SNX9: variants seen among roughly 807,000 people sequenced by gnomAD.
The protein encoded by SNX9 is sorting nexin 9.
A neutral mutation model predicts 89.4 loss-of-function variants in SNX9; 44 were observed. The ratio of observed to expected loss-of-function variants is 0.49; its 90% confidence interval spans 0.39 to 0.63. SNX9 has a LOEUF of 0.63. Among genes scored for constraint, SNX9 ranks in the 30% least tolerant of loss-of-function variants. The probability of loss-of-function intolerance (pLI) is 0.00; values close to 1 mark genes in which losing one functional copy is unlikely to be tolerated. For missense variants in SNX9, 578 were observed against 736.1 expected (o/e 0.79, Z 2.49); for synonymous variants, 236 against 247.8 (o/e 0.95, Z 0.45).
chr6:157,859,394 C>T (rs1408501515), intron 1 of SNX9, among the ~76,000 whole-genome samples: 4 of 152,172 alleles, frequency 2.6e-5, no homozygotes, highest in Non-Finnish European at 5.9e-5. Context: ...ACCATGTATT[C>T]ATTCCATGTC....
In SNX9 at chr6:157,896,892, A is replaced by G; in HGVS notation, c.366A>G (p.Ser122=). 10 of 1,613,664 alleles carry G rather than the reference A, an allele frequency of 6.2e-6. No individual in the cohort carries two copies. Among genetic ancestry groups the G allele is most frequent in the Non-Finnish European group, 8.5e-6 (10 of 1,179,842 alleles). Residue 122 remains serine (S), a synonymous_variant, in exon 5 of 18, where the codon TCA becomes TCG. Transcript: ENST00000392185. ...SASKSGNWES[S]EGWGAQPEGA... Reference sequence around the variant, plus strand: ...CCAAATCTGGGAACTGGGAAAGCTCAGAAGGCTGGGGGGCCCAGCCAGAGG... The same window carrying G: ...CCAAATCTGGGAACTGGGAAAGCTCGGAAGGCTGGGGGGCCCAGCCAGAGG...
At position 157,867,557 on chromosome 6, in the gene SNX9, T is replaced by C. The variant is rs747860327; in HGVS notation, c.23T>C (p.Met8Thr). 2 of 1,612,294 alleles carry C rather than the reference T, an allele frequency of 1.2e-6. No homozygotes were observed. The highest frequency in any genetic ancestry group is 1.7e-6 in the Non-Finnish European group (2 of 1,178,744). ...CTCCACTCCTGATAGGCTCGGGTTA[T>C]GTATGATTTTGCTGCTGAACCTGGA... is the stretch of plus-strand genomic sequence containing the variant. MATKARV[M>T]YDFAAEPGNN... The change falls in exon 2 of 18, where the codon ATG becomes ACG. Residue 8 changes from methionine (M) to threonine (T), a missense_variant. This residue lies in a region of SNX9 where 230 missense variants were observed against 244.7 expected (regional missense o/e 0.94). Transcript: ENST00000392185.
intron 3 of SNX9, among the ~76,000 whole-genome samples, chr6:157,873,636 A>G (rs938081017): frequency 1.4e-5 from 2 of 147,862 alleles, no homozygotes; most frequent in Non-Finnish European, 3.0e-5. Flanking sequence ...AATTATAAAT[A>G]TAGATATATA....
At chr6:157,826,902 TATATA>T (rs1781367182) in intron 1 of SNX9, among the ~76,000 whole-genome samples, 1 of 81,194 alleles carries the variant, frequency 1.2e-5, no homozygotes, top group African/African-American at 6.2e-5. Context: ...TATTATAGTT[TATATA>T]ATATATAAAA....
chr6:157,939,255 T>C (rs1783987713), intron 16 of SNX9, among the ~76,000 whole-genome samples: 2 of 152,168 alleles, frequency 1.3e-5, no homozygotes, highest in East Asian at 3.9e-4. Context: ...GGGCAGAGAA[T>C]GGAGAGCGTG....
At chr6:157,920,935 C>G (rs186427737) in intron 9 of SNX9, among the ~76,000 whole-genome samples, 1 of 152,144 alleles carries the variant, frequency 6.6e-6, no homozygotes, top group Non-Finnish European at 1.5e-5. Context: ...TGGAAAAATT[C>G]CTTTGGTATT....
intron 1 of SNX9, among the ~76,000 whole-genome samples, chr6:157,862,306 G>A (rs908152491): frequency 6.6e-6 from 1 of 152,152 alleles, no homozygotes; most frequent in Non-Finnish European, 1.5e-5. Context: ...ATCTTAATAA[G>A]TCAAGATAAG....
At position 157,875,137 on chromosome 6, in the gene SNX9, A is replaced by T; in HGVS notation, c.261A>T (p.Thr87=). Residue 87 remains threonine (T), a synonymous_variant, in exon 4 of 18, where the codon ACA becomes ACT. Transcript: ENST00000392185. ...QAFLDSLSAS[T]AQASSSAASN... Reference sequence around the variant, plus strand: ...TCCTTGATTCTCTCTCAGCCAGCACAGCTCAGGCCAGTTCGTCGGCTGCCA... The same window carrying T: ...TCCTTGATTCTCTCTCAGCCAGCACTGCTCAGGCCAGTTCGTCGGCTGCCA... 6.2e-7 allele frequency: 1 copy of T among 1,612,252 alleles called. No individual in the cohort carries two copies. Among genetic ancestry groups the T allele is most frequent in the South Asian group, 1.1e-5 (1 of 90,504 alleles).
Position 157,875,180 on chromosome 6 carries a change from C to G in SNX9, c.300+4C>G. ...GGCTGCCAGCAACAATCACCAGGTA[C>G]GTCTCACTTCCTCCTTCTGGATGTG... is the stretch of plus-strand genomic sequence containing the variant. On this transcript the variant is annotated splice_donor_region_variant and intron_variant, in intron 4 of 17. Coordinates refer to ENST00000392185, the MANE Select transcript of SNX9 (RefSeq NM_016224.5). The G allele has an allele frequency of 6.2e-7, 1 of 1,605,362 alleles. No homozygotes were observed. The highest frequency in any genetic ancestry group is 8.5e-7 in the Non-Finnish European group (1 of 1,175,374).
chr6:157,930,507 A>G (rs1487036768), intron 12 of SNX9, among the ~76,000 whole-genome samples: 1 of 152,204 alleles, frequency 6.6e-6, no homozygotes, highest in East Asian at 1.9e-4. Context: ...GCACAGCAGG[A>G]GGCAAGTGAA....
intron 5 of SNX9, among the ~76,000 whole-genome samples, chr6:157,900,230 A>G (rs1783067494): frequency 6.6e-6 from 1 of 151,958 alleles, no homozygotes; most frequent in Non-Finnish European, 1.5e-5. Context: ...TGTTGAGTGC[A>G]TTTTCATATA....
chr6:157,936,904 T>C (rs1783937156), intron 14 of SNX9, among the ~76,000 whole-genome samples: 1 of 152,228 alleles, frequency 6.6e-6, no homozygotes, highest in Non-Finnish European at 1.5e-5. Flanking sequence ...TCAGATGACT[T>C]TAAACTATGT....
intron 1 of SNX9, among the ~76,000 whole-genome samples, chr6:157,845,804 T>C (rs1306012360): frequency 6.6e-6 from 1 of 152,260 alleles, no homozygotes; most frequent in Non-Finnish European, 1.5e-5. Flanking sequence ...GGTTGGAGTA[T>C]GGTTCTTGTG....
At chr6:157,824,851 C>T (rs1372355659) in intron 1 of SNX9, among the ~76,000 whole-genome samples, 1 of 152,148 alleles carries the variant, frequency 6.6e-6, no homozygotes, top group Admixed American at 6.5e-5. Flanking sequence ...AAAACTTAGG[C>T]CAAGGATTTC....
chr6:157,827,909 A>T (rs1307079763), intron 1 of SNX9, among the ~76,000 whole-genome samples: 2 of 150,632 alleles, frequency 1.3e-5, no homozygotes, highest in Non-Finnish European at 3.0e-5. Context: ...AAAGTTATAC[A>T]CATGTGTTAC....
At chr6:157,869,193 C>T (rs1203882655) in intron 2 of SNX9, among the ~76,000 whole-genome samples, 2 of 152,230 alleles carry the variant, frequency 1.3e-5, no homozygotes, top group African/African-American at 4.8e-5. Flanking sequence ...TGTCCCTCCC[C>T]TCTCTGCCTC....
intron 3 of SNX9, chr6:157,874,461 A>T (rs1782479536): frequency 6.6e-6 from 1 of 152,230 alleles, no homozygotes; most frequent in African/African-American, 2.4e-5. Context: ...GTGATTACAG[A>T]TATTCTTGGG....
intron 1 of SNX9, among the ~76,000 whole-genome samples, chr6:157,837,324 AC>A (rs1384654829): frequency 6.6e-6 from 1 of 152,218 alleles, no homozygotes. Context: ...TAGCCAGAAA[AC>A]ATGCGATACA....
chr6:157,926,480 A>G lies in SNX9; in HGVS notation c.1081-631A>G, dbSNP rs1351961543. On this transcript the variant is annotated intron_variant, in intron 10 of 17. Transcript: ENST00000392185. ...AGATAACCTAAATATTTGAGGCACTAGGTCAGAATGCATAGGGTGGGCCGA... is the reference window on the plus strand; with the variant it reads ...AGATAACCTAAATATTTGAGGCACTGGGTCAGAATGCATAGGGTGGGCCGA... Among the ~76,000 whole-genome samples the G allele has an allele frequency of 5.3e-5, 8 of 152,272 alleles. No individual in the cohort carries two copies. In the South Asian group the frequency reaches 1.4e-3, roughly 28 times the overall value.
Sources: allele counts gnomAD v4.1 joint callset (sites outside exome capture counted in the v4.1 genomes callset), GRCh38; gene constraint gnomAD v4.1.1; regional missense constraint gnomAD v4.1.1; transcripts MANE v1.5; gene names NCBI Gene and HGNC (gene_info 2026-07-23, HGNC 2026-07-21).